Variants in OPA1 observed in about 807,000 individuals in gnomAD.
OPA1 encodes OPA1 mitochondrial dynamin like GTPase.
A neutral mutation model predicts 152.9 loss-of-function variants in OPA1; 59 were observed. The observed-to-expected ratio is 0.39, with a 90% CI of 0.31 to 0.48. The LOEUF (loss-of-function observed/expected upper bound fraction) is 0.48. Ranked by LOEUF, OPA1 falls within the 20% of genes least tolerant of loss-of-function variation. OPA1 has a pLI of 0.96. For synonymous variants in OPA1, 400 were observed against 389.9 expected, an observed-to-expected ratio of 1.03 and a Z score of -0.31; for missense variants, 1,008 against 1,216.8, an observed-to-expected ratio of 0.83 and a Z score of 2.55.
Position 193,667,273 on chromosome 3 carries a change from A to G in OPA1, c.2976A>G (p.Glu992=). The G allele has an allele frequency of 2.6e-6, 4 of 1,517,024 alleles. No homozygotes were observed. Among genetic ancestry groups the G allele is most frequent in the African/African-American group, 1.4e-5 (1 of 73,180 alleles). The allele number at this position is 1,517,024 out of a possible 1,614,324, so 94.0% of individuals were successfully genotyped here. A position where few individuals can be genotyped will look rare whatever the true frequency, so the allele number is the denominator to read the frequency against. The change falls in exon 29 of 31, where the codon GAA becomes GAG. Residue 992 remains glutamate (E), a synonymous_variant. Transcript: ENST00000361510. The part of the protein sequence containing the change: ...LLTGKRVQLA[E]DLKKVREIQE... ...CTGGTAAACGCGTTCAACTGGCGGA[A>G]GACCTCAGTGAGTAGTTCTTACTGC...
At chr3:193,596,431 G>C (rs1280855676) in intron 1 of OPA1, among the ~76,000 whole-genome samples, 1 of 71,564 alleles carries the variant, frequency 1.4e-5, no homozygotes, top group African/African-American at 6.0e-5. Context: ...TTTCACACAG[G>C]ATCTTGGCGT....
chr3:193,668,353 A>T (rs1252079455), intron 29 of OPA1: 9 of 1,551,326 alleles, frequency 5.8e-6, no homozygotes, highest in Non-Finnish European at 7.8e-6. Context: ...AACACTACAC[A>T]CCAGGCCACC....
chr3:193,619,958 T>C (rs530204485), intron 6 of OPA1, among the ~76,000 whole-genome samples: 1 of 152,262 alleles, frequency 6.6e-6, no homozygotes, highest in South Asian at 2.1e-4. Flanking sequence ...TGGAGAAAAA[T>C]GTATGTCAAA....
intron 1 of OPA1, among the ~76,000 whole-genome samples, chr3:193,604,852 C>T (rs1254201881): frequency 3.9e-5 from 4 of 102,528 alleles, no homozygotes; most frequent in African/African-American, 1.7e-4. Context: ...AAGAGTGAAA[C>T]TCCATCTCAA....
Position 193,660,630 on chromosome 3 carries a change from A to G in OPA1, c.2520+1069A>G, listed in dbSNP as rs551499885. On this transcript the variant is annotated intron_variant, in intron 25 of 30. Coordinates refer to ENST00000361510, the MANE Select transcript of OPA1 (RefSeq NM_130837.3). ...ACATTTCTTGTTTCATAAGTTCTCT[A>G]TCAGATGTGAGTCTCAACTTTCCTC... 3.5e-4 allele frequency among the ~76,000 whole-genome samples: 54 copies of G among 152,132 alleles called. No homozygotes were observed. The South Asian group carries it at 9.3e-3, about 26-fold the overall frequency.
chr3:193,644,185 C>T lies in OPA1; in HGVS notation c.1608+80C>T, dbSNP rs1035808757. 3 of 1,450,106 alleles carry T rather than the reference C, an allele frequency of 2.1e-6. No homozygotes were observed. The Admixed American group carries it at 5.1e-5, about 25-fold the overall frequency. 89.8% of individuals were successfully genotyped at this position (1,450,106 alleles called of 1,614,324 possible). On this transcript the variant is annotated intron_variant, in intron 16 of 30. Transcript: ENST00000361510. ...GATAGGGATTTGTTATTTAAAAAAA[C>T]AACAACAACAACAAAAAAACACCTT...
intron 29 of OPA1, among the ~76,000 whole-genome samples, chr3:193,686,371 T>C (rs1005699660): frequency 6.6e-6 from 1 of 151,642 alleles, no homozygotes; most frequent in African/African-American, 2.4e-5. Flanking sequence ...TTCTGTAACA[T>C]GCAGGAGTGT....
chr3:193,640,565 AAGG>A (rs1487686315), intron 11 of OPA1, among the ~76,000 whole-genome samples: 1 of 152,210 alleles, frequency 6.6e-6, no homozygotes, highest in African/African-American at 2.4e-5. Context: ...GTTAATTAGA[AAGG>A]AGAAGAGATT....
chr3:193,681,350 G>C (rs955190106), intron 29 of OPA1, among the ~76,000 whole-genome samples: 4 of 152,152 alleles, frequency 2.6e-5, no homozygotes, highest in Non-Finnish European at 5.9e-5. Context: ...TTGTTAGTTT[G>C]TTTATTAATT....
intron 23 of OPA1, 22 bp from the exon 24 acceptor site, chr3:193,658,862 CTTT>C: frequency 1.3e-6 from 2 of 1,553,032 alleles, no homozygotes; most frequent in Non-Finnish European, 1.8e-6. Context: ...AACAAGTTGG[CTTT>C]TTCTCTTCTT....
At chr3:193,648,701 G>A (rs940945830) in intron 20 of OPA1, 94 bp from the exon 21 acceptor site, 5 of 884,850 alleles carry the variant, frequency 5.7e-6, no homozygotes, top group Admixed American at 1.8e-5. Flanking sequence ...ATTCAGCCTA[G>A]TCAAAAACCT....
At chr3:193,677,816 T>C (rs983266201) in intron 29 of OPA1, among the ~76,000 whole-genome samples, 3 of 152,238 alleles carry the variant, frequency 2.0e-5, no homozygotes, top group African/African-American at 4.8e-5. Flanking sequence ...CGATGTGCTC[T>C]ATCTTAAAAG....
At chr3:193,595,580 T>C (rs1725353358) in intron 1 of OPA1, among the ~76,000 whole-genome samples, 1 of 152,226 alleles carries the variant, frequency 6.6e-6, no homozygotes, top group South Asian at 2.1e-4. Context: ...GACAATCTGA[T>C]TTTTTCATCT....
rs368700140 is a variant in OPA1 at position 193,664,862 on chromosome 3, T to C, written c.2662-18T>C. 101 of 1,325,598 alleles carry C rather than the reference T, an allele frequency of 7.6e-5. No homozygotes were observed. Among genetic ancestry groups the C allele is most frequent in the Middle Eastern group, 7.4e-4 (4 of 5,440 alleles). 82.1% of individuals were successfully genotyped at this position (1,325,598 alleles called of 1,614,324 possible). A position where few individuals can be genotyped will look rare whatever the true frequency, so the allele number is the denominator to read the frequency against. On this transcript the variant is annotated intron_variant, in intron 26 of 30. Transcript: ENST00000361510. ...AAGAATATACAGTAACTCTGGGCTT[T>C]CTTTTTTCTCATTTTAGATTAAGGA...
Position 193,642,816 on chromosome 3 carries a change from C to T in OPA1, c.1201C>T (p.Arg401Trp), listed in dbSNP as rs764775588. 3 of 1,613,492 alleles carry T rather than the reference C, an allele frequency of 1.9e-6. No individual in the cohort carries two copies. Among genetic ancestry groups the T allele is most frequent in the Non-Finnish European group, 2.5e-6 (3 of 1,179,608 alleles). Residue 401 changes from arginine (R) to tryptophan (W), a missense_variant, in exon 12 of 31, where the codon CGG becomes TGG. Around this residue, in one of 7 missense-constraint regions of OPA1, gnomAD observed 213 missense variants for 291.4 expected, o/e 0.73. Coordinates refer to ENST00000361510, the MANE Select transcript of OPA1 (RefSeq NM_130837.3). The stretch of plus-strand genomic sequence containing the variant: ...TGTGGCCCTATTTAAAGATAGTTCT[C>T]GGGAGTTTGATCTTACCAAAGAAGA... ...HHVALFKDSS[R>W]EFDLTKEEDL...
intron 6 of OPA1, chr3:193,619,765 T>A (rs1729705188): frequency 6.6e-6 from 1 of 152,180 alleles, no homozygotes. Flanking sequence ...ATTTTTATAC[T>A]GGAGGTTATT....
intron 1 of OPA1, among the ~76,000 whole-genome samples, chr3:193,610,432 G>A (rs747870841): frequency 9.9e-5 from 15 of 152,208 alleles, no homozygotes; most frequent in Non-Finnish European, 1.9e-4. Flanking sequence ...CATGTGAGGT[G>A]TCAGTCTGCC....
intron 6 of OPA1, among the ~76,000 whole-genome samples, chr3:193,619,347 G>A (rs1012635550): frequency 2.6e-5 from 4 of 152,096 alleles, no homozygotes; most frequent in East Asian, 1.9e-4. Context: ...TTTATCAACA[G>A]AACCCTTTTG....
chr3:193,651,734 A>G (rs1325434817), intron 21 of OPA1, among the ~76,000 whole-genome samples: 1 of 152,204 alleles, frequency 6.6e-6, no homozygotes, highest in Admixed American at 6.5e-5. Flanking sequence ...AACAGTATGT[A>G]TAATTATGAA....
Sources: gnomAD v4.1 joint callset for allele counts (sites outside exome capture counted in the v4.1 genomes callset) on GRCh38, gnomAD v4.1.1 for gene constraint, gnomAD v4.1.1 regional missense constraint, MANE v1.5 for transcripts, NCBI Gene and HGNC (gene_info 2026-07-23, HGNC 2026-07-21) for gene names.